The following ARHGEF1 variants were observed in gnomAD, a reference collection of about 807,000 sequenced individuals.
The protein encoded by ARHGEF1 is Rho guanine nucleotide exchange factor 1, also known as 115 kDa guanine nucleotide exchange factor.
ARHGEF1 carries 40 observed loss-of-function variants against 119.7 expected under a neutral mutation model. The ratio of observed to expected loss-of-function variants is 0.33; its 90% CI spans 0.26 to 0.44. The LOEUF is 0.44. Among genes scored for constraint, ARHGEF1 ranks in the 20% least tolerant of loss-of-function variants. The pLI is 1.00. For missense variants in ARHGEF1, 976 were observed against 1,268.3 expected (o/e 0.77, Z 3.50); for synonymous variants, 494 against 521.0 (o/e 0.95, Z 0.71).
chr19:41,892,941 CCCTCTTCAGGGT>C lies in ARHGEF1; in HGVS notation c.614+94_614+105del. On this transcript the variant is annotated intron_variant, in intron 7 of 28. Transcript: ENST00000354532. The surrounding 1 kb of genome is among the most constrained non-coding windows in gnomAD (Gnocchi z 6.3). ...GCATGTTCCATCCCGTTTGCAGGTT[CCCTCTTCAGGGT>C]CAGAGTTCATTTCTTGGCACTGGGG... 7.0e-7 allele frequency: 1 copy of C among 1,421,674 alleles called. No homozygotes were observed. The highest frequency in any genetic ancestry group is 9.2e-7 in the Non-Finnish European group (1 of 1,088,432). 88.1% of individuals were successfully genotyped at this position (1,421,674 alleles called of 1,614,324 possible).
At chr19:41,914,633 CTGTCT>C (rs2074780208) in intron 18 of ARHGEF1, among the ~76,000 whole-genome samples, 1 of 52,556 alleles carries the variant, frequency 1.9e-5, no homozygotes. Context: ...ATCTCTGTCT[CTGTCT>C]CTCCCTCCCT....
At chr19:41,886,442 C>T (rs1319162972) in intron 1 of ARHGEF1, among the ~76,000 whole-genome samples, 3 of 152,140 alleles carry the variant, frequency 2.0e-5, no homozygotes, top group Non-Finnish European at 4.4e-5. Context: ...GCACCCTCCA[C>T]GTCCGTGGTC....
rs367547513 is a variant in ARHGEF1 at position 41,906,628 on chromosome 19, G to A, written c.2655+8G>A. On this transcript the variant is annotated splice_region_variant and intron_variant, in intron 27 of 28. Coordinates refer to ENST00000354532, the MANE Select transcript of ARHGEF1 (RefSeq NM_004706.4). The surrounding 1 kb of genome is among the most constrained non-coding windows in gnomAD (Gnocchi z 4.5). Reference sequence around the variant, plus strand: ...ACCATGAAGCAGCTGGAGGTGGGGCGGGACGGGCCAGGGGTGCCCTGAGTG... The same window carrying A: ...ACCATGAAGCAGCTGGAGGTGGGGCAGGACGGGCCAGGGGTGCCCTGAGTG... The A allele has an allele frequency of 1.8e-5, 29 of 1,602,516 alleles. 1 individual carries two copies. The Middle Eastern group carries it at 5.0e-4, about 28-fold the overall frequency.
At position 41,894,750 on chromosome 19, in the gene ARHGEF1, T is replaced by TG. The variant is rs534778260; in HGVS notation, c.877+92dup. On this transcript the variant is annotated intron_variant, in intron 11 of 28. Coordinates refer to ENST00000354532, the MANE Select transcript of ARHGEF1 (RefSeq NM_004706.4). ...CGCCTGGGTCTGAGGGAGGAGGGGC[T>TG]GGGACCTGGACGCCTGGTTCTGAGG... is the stretch of plus-strand genomic sequence containing the variant. The TG allele has an allele frequency of 5.3e-4, 731 of 1,372,664 alleles. 11 individuals are homozygous for TG. In the African/African-American group the frequency reaches 0.035, roughly 66 times the overall value. The allele number at this position is 1,372,664 out of a possible 1,614,324, so 85.0% of individuals were successfully genotyped here. A position where few individuals can be genotyped will look rare whatever the true frequency, so the allele number is the denominator to read the frequency against.
chr19:41,929,498 G>A (rs1555853665), intron 2 of ARHGEF1, among the ~76,000 whole-genome samples: 1 of 152,086 alleles, frequency 6.6e-6, no homozygotes, highest in Non-Finnish European at 1.5e-5. Context: ...GCTCCCGGCC[G>A]GCCGGACCTC....
chr19:41,885,648 G>C (rs1054552229), intron 1 of ARHGEF1, among the ~76,000 whole-genome samples: 9 of 152,150 alleles, frequency 5.9e-5, no homozygotes, highest in African/African-American at 1.9e-4. Flanking sequence ...TTTTAGTAGA[G>C]ACAGGGTTTC....
intron 14 of ARHGEF1, among the ~76,000 whole-genome samples, chr19:41,900,012 C>T (rs1291457788): frequency 6.6e-6 from 1 of 151,922 alleles, no homozygotes; most frequent in African/African-American, 2.4e-5. Flanking sequence ...CCATGGGGAC[C>T]ATCGGCCACC....
At chr19:41,927,002 G>C (rs1420546114) in intron 1 of ARHGEF1, among the ~76,000 whole-genome samples, 1 of 152,102 alleles carries the variant, frequency 6.6e-6, no homozygotes, top group African/African-American at 2.4e-5. Context: ...GATAGATGCC[G>C]AGAAAGGAAG....
intron 1 of ARHGEF1, chr19:41,884,264 T>G: frequency 1.4e-6 from 1 of 694,332 alleles, no homozygotes; most frequent in East Asian, 2.7e-5. Flanking sequence ...CTATCTGGCC[T>G]GCGTGGCGCA....
intron 18 of ARHGEF1, among the ~76,000 whole-genome samples, chr19:41,915,464 G>A (rs560087536): frequency 3.3e-5 from 5 of 151,472 alleles, no homozygotes; most frequent in East Asian, 3.9e-4. Flanking sequence ...TTCCCACGTC[G>A]TCTCCACTTC....
downstream of ARHGEF1, among the ~76,000 whole-genome samples, chr19:41,910,963 C>T (rs1248467248): frequency 6.6e-6 from 1 of 152,078 alleles, no homozygotes; most frequent in Non-Finnish European, 1.5e-5. The surrounding 1 kb of genome is among the most constrained non-coding windows in gnomAD (Gnocchi z 4.4). Context: ...CTGGGACTTA[C>T]TAACAACACA....
At chr19:41,898,276 T>G in intron 13 of ARHGEF1, 166 bp from the exon 14 acceptor site, 1 of 1,311,756 alleles carries the variant, frequency 7.6e-7, no homozygotes, top group Non-Finnish European at 1.0e-6. Flanking sequence ...CTTCTAGAGA[T>G]CTGGGAACTC....
intron 18 of ARHGEF1, among the ~76,000 whole-genome samples, chr19:41,914,402 C>T (rs960002444): frequency 1.3e-5 from 2 of 151,654 alleles, no homozygotes; most frequent in Non-Finnish European, 2.9e-5. Context: ...CTCTCCCTCT[C>T]GTCTCCATCT....
At chr19:41,893,415 G>A in intron 8 of ARHGEF1, 112 bp downstream of exon 8, 1 of 424,742 alleles carries the variant, frequency 2.4e-6, no homozygotes, top group Non-Finnish European at 3.2e-6. Context: ...GGACGCCTGG[G>A]TCTGAGGGAG....
chr19:41,920,145 GAC>G (rs1396535349), upstream of ARHGEF1, among the ~76,000 whole-genome samples: 1 of 116,500 alleles, frequency 8.6e-6, no homozygotes, highest in Non-Finnish European at 1.7e-5. Context: ...TCACAGACAT[GAC>G]ACGCCCAGAC....
intron 13 of ARHGEF1, chr19:41,897,328 T>C: frequency 7.9e-7 from 1 of 1,266,842 alleles, no homozygotes; most frequent in Non-Finnish European, 1.0e-6. Flanking sequence ...GTGGAAGAGG[T>C]GGGTGCCTGG....
rs782525368 is a variant in ARHGEF1 at position 41,902,281 on chromosome 19, C to T, written c.1422C>T (p.Phe474=). 6.2e-7 allele frequency: 1 copy of T among 1,614,186 alleles called. No individual in the cohort carries two copies. Among genetic ancestry groups the T allele is most frequent in the East Asian group, 2.2e-5 (1 of 44,884 alleles). ...TTCCTCCTGCCCCCACAGCCCTGTTCCTCGATCGCCTGATGAAGCGGAGGC... is the reference window on the plus strand; with the variant it reads ...TTCCTCCTGCCCCCACAGCCCTGTTTCTCGATCGCCTGATGAAGCGGAGGC... The part of the protein sequence containing the change: ...LDELIEVHSL[F]LDRLMKRRQE... The change falls in exon 16 of 29, where the codon TTC becomes TTT. Residue 474 remains phenylalanine (F), a synonymous_variant. Transcript: ENST00000354532. The surrounding 1 kb of genome is among the most constrained non-coding windows in gnomAD (Gnocchi z 6.5).
downstream of ARHGEF1, among the ~76,000 whole-genome samples, chr19:41,910,906 A>G (rs1392564597): frequency 6.6e-6 from 1 of 151,452 alleles, no homozygotes; most frequent in Non-Finnish European, 1.5e-5. This position sits in a 1 kb window ranked among gnomAD's most constrained non-coding sequence, Gnocchi z 4.4. Context: ...CATCTCAACA[A>G]CCCCACAGTG....
At chr19:41,923,263 G>A (rs1343835489) in intron 1 of ARHGEF1, 2 of 444,672 alleles carry the variant, frequency 4.5e-6, no homozygotes, top group Admixed American at 2.4e-5. Flanking sequence ...CCCGATATTT[G>A]TACTGTCAGA....
Sources: allele counts gnomAD v4.1 joint callset (sites outside exome capture counted in the v4.1 genomes callset), GRCh38; gene constraint gnomAD v4.1.1; non-coding constraint Gnocchi (gnomAD v3.1); transcripts MANE v1.5; gene names NCBI Gene and HGNC (gene_info 2026-07-23, HGNC 2026-07-21).